Variants in LTF observed in about 807,000 individuals in gnomAD.
LTF encodes the protein lactotransferrin.
LTF carries 91 observed loss-of-function variants against 87.2 expected under a neutral mutation model. That is an observed-to-expected ratio of 1.04 (90% CI 0.88 to 1.24). The LOEUF (loss-of-function observed/expected upper bound fraction) is 1.24, where lower values mean the gene tolerates loss of function less well. LTF is among the 50% of genes most tolerant of loss of function. The probability of loss-of-function intolerance (pLI) is 0.00; values close to 1 mark genes in which losing one functional copy is unlikely to be tolerated. For missense variants in LTF, 901 were observed against 904.3 expected, an observed-to-expected ratio of 1.00 and a Z score of 0.05; for synonymous variants, 378 against 356.1, an observed-to-expected ratio of 1.06 and a Z score of -0.69.
At chr3:46,463,835 C>A (rs1398560494) in intron 1 of LTF, among the ~76,000 whole-genome samples, 1 of 152,170 alleles carries the variant, frequency 6.6e-6, no homozygotes, top group Non-Finnish European at 1.5e-5. Flanking sequence ...GAAGGATGAC[C>A]AACACCCATG....
rs1487335894 is a variant in LTF, at chr3:46,459,811, G to C, written c.52C>G (p.Leu18Val). The change falls in exon 2 of 17, where the codon CTG (leucine) becomes GTG (valine). Residue 18 changes from leucine to valine, a missense_variant. Physicochemically the swap from Leu to Val is conservative, Grantham distance 32 (BLOSUM62 1). Coordinates refer to ENST00000231751, the MANE Select transcript of LTF (RefSeq NM_002343.6). ...LLFLGALGLC[L>V]AGRRRSVQWC... Reference sequence around the variant, plus strand: ...TGAACACTCCTCCTACGGCCAGCCAGACACAGTCCTGGGAGAGAGGGGCCA... The same window carrying C: ...TGAACACTCCTCCTACGGCCAGCCACACACAGTCCTGGGAGAGAGGGGCCA... The C allele has an allele frequency of 6.4e-7, 1 of 1,551,786 alleles. No individual in the cohort carries two copies. The highest frequency in any genetic ancestry group is 8.7e-7 in the Non-Finnish European group (1 of 1,154,948).
rs528531027 is a variant in LTF at position 46,471,599 on chromosome 3, G to A, written c.-319-1133C>T. ...CCAGGTGAGTGTGGGGAGCAGAGGA[G>A]GACAAGCCCTGCATAAAGGTACACG... On this transcript the variant is annotated intron_variant, in intron 1 of 19. Coordinates refer to the LTF transcript ENST00000443496. Among the ~76,000 whole-genome samples, 4 of 152,316 alleles carry A rather than the reference G, an allele frequency of 2.6e-5. No homozygotes were observed. The East Asian group carries it at 5.8e-4, about 22-fold the overall frequency.
chr3:46,472,853 G>A (rs1703311655), intron 1 of LTF, among the ~76,000 whole-genome samples: 1 of 152,102 alleles, frequency 6.6e-6, no homozygotes, highest in South Asian at 2.1e-4. Flanking sequence ...AATCCTTCCT[G>A]CTTCTTCCCT....
intron 1 of LTF, among the ~76,000 whole-genome samples, chr3:46,482,040 AT>A (rs980048200): frequency 7.2e-5 from 11 of 152,212 alleles, no homozygotes; most frequent in South Asian, 2.1e-4. Context: ...TGACATAAGC[AT>A]TTTTTTTCAT....
At chr3:46,464,100 G>A (rs978704761) in intron 1 of LTF, among the ~76,000 whole-genome samples, 1 of 152,188 alleles carries the variant, frequency 6.6e-6, no homozygotes, top group Admixed American at 6.5e-5. Context: ...CCCTCCCGGT[G>A]CTGCAGGGAG....
chr3:46,482,701 AAG>A lies in LTF; in HGVS notation c.-320+2283_-320+2284del, dbSNP rs1435399709. Among the ~76,000 whole-genome samples the A allele has an allele frequency of 3.5e-3, 443 of 125,360 alleles. 19 individuals carry two copies. Among genetic ancestry groups the A allele is most frequent in the African/African-American group, 0.013 (418 of 31,116 alleles). 82.2% of individuals were successfully genotyped at this position (125,360 alleles called of 152,430 possible). ...GAAGGAAGGAAGGAAGGAAGGAAGGAAGGAAAGAAAGAAAGAGAAAGAAAGGA... is the reference window on the plus strand; with the variant it reads ...GAAGGAAGGAAGGAAGGAAGGAAGGAGAAAGAAAGAAAGAGAAAGAAAGGA... On this transcript the variant is annotated intron_variant, in intron 1 of 19. Transcript: ENST00000443496.
At chr3:46,474,313 T>G (rs1018772614) in intron 1 of LTF, among the ~76,000 whole-genome samples, 1 of 152,150 alleles carries the variant, frequency 6.6e-6, no homozygotes, top group African/African-American at 2.4e-5. Context: ...AAGAGCTACA[T>G]TAATATTAGA....
At chr3:46,461,187 C>T (rs1054021745) in intron 1 of LTF, among the ~76,000 whole-genome samples, 2 of 152,194 alleles carry the variant, frequency 1.3e-5, no homozygotes, top group Non-Finnish European at 2.9e-5. Flanking sequence ...GAAGTGGAAA[C>T]CCTCATACAT....
At chr3:46,447,999 G>A (rs1702698405) in intron 9 of LTF, among the ~76,000 whole-genome samples, 1 of 152,054 alleles carries the variant, frequency 6.6e-6, no homozygotes, top group Admixed American at 6.5e-5. Context: ...GCAAAGTAAG[G>A]GACAAAGAGG....
In LTF at chr3:46,443,561, C is replaced by T; in HGVS notation, c.1535G>A (p.Cys512Tyr). 1.9e-6 allele frequency: 3 copies of T among 1,613,904 alleles called. No individual in the cohort carries two copies. The highest frequency in any genetic ancestry group is 3.3e-4 in the Middle Eastern group (2 of 6,062). Reference sequence around the variant, plus strand: ...AGATCTCGGGTCAGACCCAGGGGCACAGCTTTGACTGAAATATTCATCTGG... The same window carrying T: ...AGATCTCGGGTCAGACCCAGGGGCATAGCTTTGACTGAAATATTCATCTGG... ...CKFDEYFSQSCAPGSDPRSNL... is the reference protein window; with the variant it reads ...CKFDEYFSQSYAPGSDPRSNL... Residue 512 changes from cysteine to tyrosine, a missense_variant, in exon 13 of 17, where the codon TGT becomes TAT. Cys to Tyr is a radical substitution (Grantham distance 194). Transcript: ENST00000231751.
At chr3:46,460,503 G>C in intron 1 of LTF, 1 of 448,756 alleles carries the variant, frequency 2.2e-6, no homozygotes, top group South Asian at 1.6e-5. Context: ...TTCTTCTTTT[G>C]AGCCTGCTTT....
At chr3:46,468,813 G>A (rs1703247818), upstream of LTF, among the ~76,000 whole-genome samples, 1 of 152,224 alleles carries the variant, frequency 6.6e-6, no homozygotes, top group South Asian at 2.1e-4. Context: ...AGAACCACTT[G>A]TTAAACATTT....
In LTF at chr3:46,443,554, A is replaced by G. The variant is rs756827176; in HGVS notation, c.1542T>C (p.Pro514=). 1.9e-6 allele frequency: 3 copies of G among 1,613,806 alleles called. No individual in the cohort carries two copies. The highest frequency in any genetic ancestry group is 4.5e-5 in the East Asian group (2 of 44,878). The change falls in exon 13 of 17, where the codon CCT becomes CCC. Residue 514 remains proline, a synonymous_variant. Transcript: ENST00000231751. ...FDEYFSQSCA[P]GSDPRSNLCA... ...AGAGATTAGATCTCGGGTCAGACCC[A>G]GGGGCACAGCTTTGACTGAAATATT...
intron 1 of LTF, chr3:46,463,575 C>T: frequency 4.1e-6 from 4 of 985,492 alleles, no homozygotes; most frequent in Non-Finnish European, 4.8e-6. Context: ...CAATTGACTG[C>T]AGGATTCAAA....
chr3:46,475,671 C>G (rs979991146), intron 1 of LTF, among the ~76,000 whole-genome samples: 3 of 152,126 alleles, frequency 2.0e-5, no homozygotes, highest in Non-Finnish European at 4.4e-5. Context: ...TTAGAGACCA[C>G]CCAACTCAAG....
chr3:46,465,527 C>T (rs1286282596), upstream of LTF, among the ~76,000 whole-genome samples: 2 of 152,144 alleles, frequency 1.3e-5, no homozygotes, highest in East Asian at 3.8e-4. Flanking sequence ...GGGGAATGGC[C>T]ACCACCCAAG....
chr3:46,483,264 A>G (rs1703475031), intron 1 of LTF, among the ~76,000 whole-genome samples: 1 of 152,260 alleles, frequency 6.6e-6, no homozygotes, highest in Admixed American at 6.5e-5. Context: ...ACTCCAGCAC[A>G]GCACTGCCTG....
At chr3:46,482,101 A>C (rs946147885) in intron 1 of LTF, among the ~76,000 whole-genome samples, 1 of 152,124 alleles carries the variant, frequency 6.6e-6, no homozygotes, top group African/African-American at 2.4e-5. Context: ...CTTACTTTTT[A>C]TGCGACTCAC....
At chr3:46,482,802 G>GGAAA (rs34589936) in intron 1 of LTF, among the ~76,000 whole-genome samples, 14,506 of 131,058 alleles carry the variant, frequency 0.11, 1,503 homozygotes, top group East Asian at 0.36. Context: ...AAAGAAGGAA[G>GGAAA]GAAAGAAAGA....
Sources: allele counts gnomAD v4.1 joint callset (sites outside exome capture counted in the v4.1 genomes callset), GRCh38; gene constraint gnomAD v4.1.1; transcripts MANE v1.5; gene names NCBI Gene and HGNC (gene_info 2026-07-23, HGNC 2026-07-21).